The following TEX2 variants were observed in gnomAD, a reference collection of about 807,000 sequenced individuals.
TEX2 encodes testis-expressed protein 2.
In TEX2, 53 loss-of-function variants were observed where a neutral mutation model predicts 106.9. That is an observed-to-expected ratio of 0.50 (90% CI 0.40 to 0.62). The LOEUF is 0.62. Ranked by LOEUF, TEX2 falls within the 20% of genes least tolerant of loss-of-function variation. The pLI, the probability that TEX2 is intolerant of heterozygous loss-of-function variation, is 0.00. For synonymous variants in TEX2, 523 were observed against 534.8 expected (o/e 0.98, Z 0.30); for missense variants, 1,207 against 1,379.0 (o/e 0.88, Z 1.98).
At chr17:64,231,667 TC>T (rs1159460041) in intron 1 of TEX2, among the ~76,000 whole-genome samples, 1 of 152,200 alleles carries the variant, frequency 6.6e-6, no homozygotes, top group East Asian at 1.9e-4. Flanking sequence ...ACTGAATAGG[TC>T]CTGGGGTGCA....
chr17:64,158,088 G>A (rs1295846495), intron 8 of TEX2, among the ~76,000 whole-genome samples: 1 of 152,158 alleles, frequency 6.6e-6, no homozygotes, highest in East Asian at 1.9e-4. Flanking sequence ...TGCAGTGTGC[G>A]ACAAAAGGAC....
chr17:64,147,527 CAT>C lies in TEX2; in HGVS notation c.*1440_*1441del, dbSNP rs1248478241. ...TTGATTAAGTGCAACATGGTACAGT[CAT>C]GTGTAATCTCTTTACACGATAGTGC... On this transcript the variant is annotated 3_prime_UTR_variant, in exon 12 of 12. Transcript: ENST00000584379. 9.8e-5 allele frequency: 15 copies of C among 152,476 alleles called. No homozygotes were observed. In the South Asian group the frequency reaches 2.5e-3, roughly 25 times the overall value. 9.4% of individuals were successfully genotyped at this position (152,476 alleles called of 1,614,324 possible).
chr17:64,263,024 G>A (rs908337655), intron 1 of TEX2, 144 bp downstream of exon 1: 43 of 152,226 alleles, frequency 2.8e-4, no homozygotes, highest in African/African-American at 1.0e-3. Flanking sequence ...CATGACAGCG[G>A]GGTGGGGGGC....
At chr17:64,229,090 CA>C (rs1234724120) in intron 1 of TEX2, among the ~76,000 whole-genome samples, 8 of 152,056 alleles carry the variant, frequency 5.3e-5, no homozygotes, top group Admixed American at 1.3e-4. Flanking sequence ...GCTGTGTTTC[CA>C]TATAAATCTT....
chr17:64,200,821 G>A (rs2143953791), intron 2 of TEX2, among the ~76,000 whole-genome samples: 1 of 152,152 alleles, frequency 6.6e-6, no homozygotes, highest in East Asian at 1.9e-4. Context: ...CCTTTATTCT[G>A]CTTGGGCTTG....
chr17:64,154,936 T>A lies in TEX2; in HGVS notation c.2836A>T (p.Ser946Cys). ...CRPRAFCLAD[S>C]DEESSSAGSS... is the part of the protein sequence containing the mutation. Reference sequence around the variant, plus strand: ...CCAGCGCTGGAGGATTCCTCATCGCTGTCCGCCAGACAGAATGCCCGGGGC... The same window carrying A: ...CCAGCGCTGGAGGATTCCTCATCGCAGTCCGCCAGACAGAATGCCCGGGGC... The change falls in exon 9 of 12, where the codon AGC becomes TGC. Residue 946 changes from serine (S) to cysteine (C), a missense_variant. Around this residue, in one of 3 missense-constraint regions of TEX2, gnomAD observed 1,067 missense variants for 1,193.6 expected, o/e 0.89. Transcript: ENST00000584379. 1.2e-6 allele frequency: 2 copies of A among 1,604,890 alleles called. No homozygotes were observed. The highest frequency in any genetic ancestry group is 1.7e-6 in the Non-Finnish European group (2 of 1,177,452).
chr17:64,167,765 G>C lies in TEX2; in HGVS notation c.2671+3335C>G, dbSNP rs1403601355. ...ACCCAGGAGGTGGAGGTTGCAGTGA[G>C]TTGAGATCATGCCACTGCACTCCAG... On this transcript the variant is annotated intron_variant, in intron 7 of 11. Transcript: ENST00000584379. Among the ~76,000 whole-genome samples, 12 of 152,216 alleles carry C rather than the reference G, an allele frequency of 7.9e-5. No homozygotes were observed. In the South Asian group the frequency reaches 2.5e-3, roughly 32 times the overall value.
chr17:64,176,053 T>C (rs568767349), intron 6 of TEX2, among the ~76,000 whole-genome samples: 1 of 152,320 alleles, frequency 6.6e-6, no homozygotes, highest in Admixed American at 6.5e-5. Context: ...TCTCCTGCTA[T>C]GGAACTGGCT....
rs144295121 is a variant in TEX2 at position 64,215,337 on chromosome 17, G to A, written c.-25-1095C>T. Among the ~76,000 whole-genome samples, 6 of 152,336 alleles carry A rather than the reference G, an allele frequency of 3.9e-5. No homozygotes were observed. In the East Asian group the frequency reaches 1.2e-3, roughly 29 times the overall value. ...GAGGATGACACCAGTGTGGGAGGTG[G>A]GACATCCAACGGGTCTTTGGAACTG... On this transcript the variant is annotated intron_variant, in intron 1 of 11. Coordinates refer to ENST00000584379, the MANE Select transcript of TEX2 (RefSeq NM_001288732.2).
intron 11 of TEX2, 81 bp downstream of exon 11, chr17:64,150,760 A>G: frequency 6.8e-7 from 1 of 1,474,684 alleles, no homozygotes; most frequent in South Asian, 1.4e-5. Context: ...GAGGATCCTG[A>G]CCCAGCTGAA....
chr17:64,172,165 TAACAC>T (rs2031434734), intron 6 of TEX2, among the ~76,000 whole-genome samples: 3 of 151,764 alleles, frequency 2.0e-5, no homozygotes, highest in Admixed American at 1.3e-4. Flanking sequence ...CCATCCTGGC[TAACAC>T]GGTGAAACCC....
chr17:64,212,962 C>T lies in TEX2; in HGVS notation c.1256G>A (p.Cys419Tyr). 1 of 1,614,216 alleles carries T rather than the reference C, an allele frequency of 6.2e-7. No individual in the cohort carries two copies. The highest frequency in any genetic ancestry group is 8.5e-7 in the Non-Finnish European group (1 of 1,180,036). ...ATCGAAGTCCTCAGTGTACAGTTCA[C>T]AAAACTCTTCATCTTCTTTGCTCAC... ...ALVSKEDEEF[C>Y]ELYTEDFDLE... The change falls in exon 2 of 12, where the codon TGT becomes TAT. Residue 419 changes from cysteine to tyrosine, a missense_variant. By Grantham distance (194) the Cys-to-Tyr change is radical. Around this residue, in one of 3 missense-constraint regions of TEX2, gnomAD observed 1,067 missense variants for 1,193.6 expected, o/e 0.89. Transcript: ENST00000584379.
intron 4 of TEX2, among the ~76,000 whole-genome samples, chr17:64,192,231 C>T (rs145855218): frequency 1.3e-5 from 2 of 152,360 alleles, no homozygotes; most frequent in East Asian, 3.9e-4. Context: ...ACCCCAGTAT[C>T]TCAGAATGTG....
intron 7 of TEX2, among the ~76,000 whole-genome samples, chr17:64,161,648 A>G (rs763650716): frequency 1.3e-5 from 2 of 152,110 alleles, no homozygotes; most frequent in Non-Finnish European, 2.9e-5. Context: ...AAAGGCTTGT[A>G]GCTTCATGGA....
chr17:64,211,707 G>A (rs371901550), intron 2 of TEX2, among the ~76,000 whole-genome samples: 1 of 152,092 alleles, frequency 6.6e-6, no homozygotes, highest in Non-Finnish European at 1.5e-5. Context: ...GTATCCTTGG[G>A]GGGGGTCCTG....
Position 64,156,819 on chromosome 17 carries a change from A to G in TEX2, c.2805-1852T>C, listed in dbSNP as rs141255425. 3.5e-3 allele frequency among the ~76,000 whole-genome samples: 540 copies of G among 152,326 alleles called. 5 individuals are homozygous for G. Among genetic ancestry groups the G allele is most frequent in the African/African-American group, 0.012 (514 of 41,574 alleles). ...GGCTGCCTGCAAGCTCTGGGACCCC[A>G]GTGAGATCTGCTGAGCCACTGCTCC... On this transcript the variant is annotated intron_variant, in intron 8 of 11. Coordinates refer to ENST00000584379, the MANE Select transcript of TEX2 (RefSeq NM_001288732.2).
At chr17:64,167,110 C>G (rs2031173612) in intron 7 of TEX2, among the ~76,000 whole-genome samples, 1 of 152,176 alleles carries the variant, frequency 6.6e-6, no homozygotes, top group Admixed American at 6.5e-5. Flanking sequence ...GGAAGTGAGG[C>G]TGCTCTGGAA....
chr17:64,236,049 A>G (rs1210608269), intron 1 of TEX2, among the ~76,000 whole-genome samples: 1 of 152,062 alleles, frequency 6.6e-6, no homozygotes, highest in Non-Finnish European at 1.5e-5. Context: ...ATTTTTCCCT[A>G]TGTAAACTCC....
intron 4 of TEX2, among the ~76,000 whole-genome samples, chr17:64,188,864 AC>A (rs2032191960): frequency 6.6e-6 from 1 of 152,136 alleles, no homozygotes; most frequent in African/African-American, 2.4e-5. Flanking sequence ...CCTGAAAAGT[AC>A]CTTTTTCTCT....
Sources: allele counts gnomAD v4.1 joint callset (sites outside exome capture counted in the v4.1 genomes callset), GRCh38; gene constraint gnomAD v4.1.1; regional missense constraint gnomAD v4.1.1; transcripts MANE v1.5; gene names NCBI Gene and HGNC (gene_info 2026-07-23, HGNC 2026-07-21).